PARP11: variants seen among roughly 807,000 people sequenced by gnomAD.
PARP11 encodes the protein protein mono-ADP-ribosyltransferase PARP11.
In PARP11, 31 loss-of-function variants were observed where a neutral mutation model predicts 42.9. That is an observed-to-expected ratio of 0.72 (90% CI 0.54 to 0.98). The LOEUF is 0.98. Among genes scored for constraint, PARP11 ranks in the 50% least tolerant of loss-of-function variants. The probability of loss-of-function intolerance (pLI) is 0.00; values close to 1 mark genes in which losing one functional copy is unlikely to be tolerated. For synonymous variants in PARP11, 137 were observed against 127.3 expected, an observed-to-expected ratio of 1.08 and a Z score of -0.51; for missense variants, 365 against 413.1, an observed-to-expected ratio of 0.88 and a Z score of 1.01.
intron 1 of PARP11, among the ~76,000 whole-genome samples, chr12:3,853,538 T>A (rs956028845): frequency 6.6e-6 from 1 of 152,078 alleles, no homozygotes; most frequent in Non-Finnish European, 1.5e-5. Context: ...GAGACAAAGA[T>A]GGCCATTACA....
At chr12:3,822,262 A>G in intron 4 of PARP11, 105 bp from the exon 5 acceptor site, 3 of 858,508 alleles carry the variant, frequency 3.5e-6, no homozygotes, top group Non-Finnish European at 5.6e-6. Flanking sequence ...GGGTATTGTG[A>G]CAAATGCAAT....
chr12:3,841,898 T>G (rs1462875914), intron 1 of PARP11: 8 of 1,607,812 alleles, frequency 5.0e-6, no homozygotes. Flanking sequence ...GTTTCCACAG[T>G]AGATGAGTTT....
At chr12:3,832,873 A>G (rs1250556914) in intron 1 of PARP11, among the ~76,000 whole-genome samples, 2 of 152,224 alleles carry the variant, frequency 1.3e-5, no homozygotes, top group Non-Finnish European at 2.9e-5. Flanking sequence ...AGAAAAAGCT[A>G]GTACAAAGCG....
intron 1 of PARP11, chr12:3,839,560 T>A: frequency 1.2e-5 from 17 of 1,457,566 alleles, no homozygotes; most frequent in Admixed American, 1.7e-5. Flanking sequence ...AGGAGGATCA[T>A]TTGAAGGATA....
intron 1 of PARP11, among the ~76,000 whole-genome samples, chr12:3,838,621 A>C (rs991889350): frequency 6.6e-6 from 1 of 152,240 alleles, no homozygotes; most frequent in Non-Finnish European, 1.5e-5. Context: ...TAAATAAATA[A>C]AATTGAGACT....
intron 1 of PARP11, among the ~76,000 whole-genome samples, chr12:3,833,077 C>T (rs2138052751): frequency 1.3e-5 from 2 of 152,230 alleles, no homozygotes; most frequent in East Asian, 3.9e-4. Context: ...AGGCTGCCTT[C>T]CAGACTGGTT....
At chr12:3,829,061 C>T (rs1159712261) in intron 2 of PARP11, 31 bp from the exon 3 acceptor site, 5 of 1,612,094 alleles carry the variant, frequency 3.1e-6, no homozygotes, top group Non-Finnish European at 4.2e-6. Flanking sequence ...TTTCATTTAC[C>T]AGCTGTTCAC....
At chr12:3,820,632 A>T (rs1289389867) in intron 6 of PARP11, among the ~76,000 whole-genome samples, 1 of 152,224 alleles carries the variant, frequency 6.6e-6, no homozygotes, top group Non-Finnish European at 1.5e-5. Flanking sequence ...CAGAGGGCTG[A>T]TGAAGAATAA....
chr12:3,836,705 A>C (rs570639064), intron 1 of PARP11, among the ~76,000 whole-genome samples: 1 of 152,334 alleles, frequency 6.6e-6, no homozygotes, highest in Non-Finnish European at 1.5e-5. Context: ...ACAAATACAC[A>C]GCACCAAGAT....
intron 1 of PARP11, chr12:3,872,851 G>C (rs1031005919): frequency 1.0e-6 from 1 of 968,836 alleles, no homozygotes; most frequent in Non-Finnish European, 1.2e-6. Flanking sequence ...GCTTTAACCC[G>C]GGAGACGGAG....
intron 6 of PARP11, among the ~76,000 whole-genome samples, chr12:3,819,128 C>T (rs1292233871): frequency 6.6e-6 from 1 of 152,202 alleles, no homozygotes; most frequent in East Asian, 1.9e-4. Flanking sequence ...TACTGATATT[C>T]CCTTAGTCAA....
intron 1 of PARP11, among the ~76,000 whole-genome samples, chr12:3,843,586 A>G (rs1272416919): frequency 6.6e-6 from 1 of 152,172 alleles, no homozygotes; most frequent in Non-Finnish European, 1.5e-5. Context: ...TCTTTTCTAG[A>G]GGATGCTGCT....
At chr12:3,833,278 G>A (rs1947686021) in intron 1 of PARP11, among the ~76,000 whole-genome samples, 1 of 152,090 alleles carries the variant, frequency 6.6e-6, no homozygotes, top group South Asian at 2.1e-4. Flanking sequence ...AGAATAAGGA[G>A]CTCAGTGGAA....
intron 1 of PARP11, among the ~76,000 whole-genome samples, chr12:3,834,748 G>A (rs1181364161): frequency 1.3e-5 from 2 of 151,830 alleles, no homozygotes; most frequent in Non-Finnish European, 2.9e-5. Flanking sequence ...GAAGTTTAAT[G>A]CAGAGAACCA....
At chr12:3,817,405 G>T (rs956329732) in intron 6 of PARP11, among the ~76,000 whole-genome samples, 6 of 152,058 alleles carry the variant, frequency 3.9e-5, no homozygotes, top group Non-Finnish European at 1.5e-5. Flanking sequence ...GGGCATGGTG[G>T]TTAAAGCTTT....
At chr12:3,853,182 G>A (rs896938849) in intron 1 of PARP11, among the ~76,000 whole-genome samples, 3 of 152,112 alleles carry the variant, frequency 2.0e-5, no homozygotes, top group African/African-American at 4.8e-5. Flanking sequence ...GCAAAAACAT[G>A]CCAAACTGTA....
At chr12:3,828,367 T>C (rs1947570140) in intron 3 of PARP11, among the ~76,000 whole-genome samples, 2 of 151,908 alleles carry the variant, frequency 1.3e-5, no homozygotes. Context: ...GTCAACATGA[T>C]GAAACGCTGT....
intron 1 of PARP11, among the ~76,000 whole-genome samples, chr12:3,839,057 G>A (rs1342436219): frequency 1.3e-5 from 2 of 152,096 alleles, no homozygotes; most frequent in Non-Finnish European, 2.9e-5. Flanking sequence ...GTTTGTCGTG[G>A]GCGCGTGTTC....
chr12:3,822,221 G>T, intron 4 of PARP11, 64 bp from the exon 5 acceptor site: 1 of 1,228,762 alleles, frequency 8.1e-7, no homozygotes. Flanking sequence ...CAAGAACTTA[G>T]CCCTTCTTCA....
Sources: gnomAD v4.1 joint callset for allele counts (sites outside exome capture counted in the v4.1 genomes callset) on GRCh38, gnomAD v4.1.1 for gene constraint, MANE v1.5 for transcripts, NCBI Gene and HGNC (gene_info 2026-07-23, HGNC 2026-07-21) for gene names.